The following EEA1 variants were observed in gnomAD, a reference collection of about 807,000 sequenced individuals.
The protein encoded by EEA1 is early endosome antigen 1, 162kD.
Under a neutral mutation model 209.2 loss-of-function variants are expected in EEA1, and 111 were observed. The observed-to-expected ratio is 0.53, with a 90% CI of 0.45 to 0.62. The LOEUF (loss-of-function observed/expected upper bound fraction) is 0.62. Among genes scored for constraint, EEA1 ranks in the 20% least tolerant of loss-of-function variants. EEA1 has a pLI of 0.00. For synonymous variants in EEA1, 536 were observed against 540.6 expected (o/e 0.99, Z 0.12); for missense variants, 1,343 against 1,530.8 (o/e 0.88, Z 2.05).
At position 92,859,165 on chromosome 12, in the gene EEA1, A is replaced by C. The variant is rs1878019946; in HGVS notation, c.246-1680T>G. On this transcript the variant is annotated intron_variant, in intron 3 of 28. Transcript: ENST00000322349. ...GAATTTTGATCTCCACCCTAGGGTC[A>C]TTGTCAGGGATCTGGATCTGAAGAA... 5 of 1,594,318 alleles carry C rather than the reference A, an allele frequency of 3.1e-6. No homozygotes were observed. The Admixed American group carries it at 5.0e-5, about 16-fold the overall frequency.
At position 92,773,381 on chromosome 12, in the gene EEA1, A is replaced by G. The variant is rs981534675; in HGVS notation, c.*2630T>C. 1.3e-5 allele frequency: 2 copies of G among 152,208 alleles called. No individual in the cohort carries two copies. Among genetic ancestry groups the G allele is most frequent in the Non-Finnish European group, 3.0e-5 (2 of 67,710 alleles). The allele number at this position is 152,208 out of a possible 1,614,324, so 9.4% of individuals were successfully genotyped here. On this transcript the variant is annotated 3_prime_UTR_variant, in exon 29 of 29. Coordinates refer to ENST00000322349, the MANE Select transcript of EEA1 (RefSeq NM_003566.4). Reference sequence around the variant, plus strand: ...TACTGTCAGGAAACTATTAAAGTAGATAATTCCACATTAAGAGGTAGTTGA... The same window carrying G: ...TACTGTCAGGAAACTATTAAAGTAGGTAATTCCACATTAAGAGGTAGTTGA...
chr12:92,869,486 A>G (rs1878536263), intron 2 of EEA1, among the ~76,000 whole-genome samples: 1 of 151,858 alleles, frequency 6.6e-6, no homozygotes, highest in African/African-American at 2.4e-5. Context: ...GTTCACGCCC[A>G]TAATCCCAGC....
chr12:92,776,246 T>C (rs1177878096), intron 28 of EEA1, 113 bp from the exon 29 acceptor site: 2 of 977,950 alleles, frequency 2.0e-6, no homozygotes, highest in Middle Eastern at 2.3e-4. Flanking sequence ...TTTCAAGTCA[T>C]TGGTATATTA....
intron 9 of EEA1, among the ~76,000 whole-genome samples, chr12:92,846,833 A>C (rs1306399588): frequency 6.6e-6 from 1 of 152,230 alleles, no homozygotes; most frequent in East Asian, 1.9e-4. Flanking sequence ...CAGATTATGT[A>C]TCTTCAGCCC....
chr12:92,779,383 C>G, intron 24 of EEA1, 83 bp from the exon 25 acceptor site: 1 of 1,260,086 alleles, frequency 7.9e-7, no homozygotes, highest in Non-Finnish European at 1.1e-6. Flanking sequence ...CAATTTATCA[C>G]AATAGATCAA....
chr12:92,854,327 T>C (rs1877770284), intron 5 of EEA1, among the ~76,000 whole-genome samples: 1 of 152,236 alleles, frequency 6.6e-6, no homozygotes, highest in Non-Finnish European at 1.5e-5. Context: ...CGTATTAGTA[T>C]GTAGCTTTGA....
At chr12:92,860,604 T>C (rs1465608297) in intron 3 of EEA1, among the ~76,000 whole-genome samples, 1 of 152,030 alleles carries the variant, frequency 6.6e-6, no homozygotes, top group Non-Finnish European at 1.5e-5. Context: ...CATTCCTAGG[T>C]AGGCCAAGGT....
chr12:92,847,137 G>A (rs1877418242), intron 9 of EEA1, among the ~76,000 whole-genome samples: 1 of 152,044 alleles, frequency 6.6e-6, no homozygotes, highest in Non-Finnish European at 1.5e-5. Flanking sequence ...TGTATTTTTA[G>A]TAGAGACAGG....
chr12:92,786,159 C>G (rs927731699), intron 22 of EEA1, among the ~76,000 whole-genome samples: 3 of 152,080 alleles, frequency 2.0e-5, no homozygotes, highest in Non-Finnish European at 2.9e-5. Context: ...CAGCCCACAC[C>G]ACCATCGTCT....
At chr12:92,850,753 ATAT>A (rs1877591111) in intron 9 of EEA1, among the ~76,000 whole-genome samples, 4 of 151,282 alleles carry the variant, frequency 2.6e-5, no homozygotes, top group African/African-American at 9.7e-5. Context: ...TTTCTTAAAT[ATAT>A]TTTCTAAACA....
intron 2 of EEA1, among the ~76,000 whole-genome samples, chr12:92,889,754 A>C (rs1405068761): frequency 6.6e-6 from 1 of 152,044 alleles, no homozygotes; most frequent in East Asian, 1.9e-4. Context: ...AAACAAAACA[A>C]AACAAAAAAA....
intron 21 of EEA1, among the ~76,000 whole-genome samples, chr12:92,792,211 G>A (rs567413776): frequency 1.2e-4 from 18 of 152,112 alleles, no homozygotes; most frequent in African/African-American, 2.4e-4. Context: ...ACAATTAAAA[G>A]AACTAAAGAA....
chr12:92,854,036 T>TGAAA, intron 5 of EEA1, 82 bp from the exon 6 acceptor site: 1 of 1,116,468 alleles, frequency 9.0e-7, no homozygotes, highest in Non-Finnish European at 1.2e-6. Context: ...AAAAAATCTC[T>TGAAA]GAAAGTCACT....
chr12:92,925,961 A>G (rs1010469246), intron 1 of EEA1, among the ~76,000 whole-genome samples: 1 of 152,148 alleles, frequency 6.6e-6, no homozygotes, highest in Non-Finnish European at 1.5e-5. Flanking sequence ...TGAAAAGTTC[A>G]TCTAAAAACA....
In EEA1 at chr12:92,885,069, A is replaced by AAT. The variant is rs912314066; in HGVS notation, c.117+6558_117+6559dup. ...GCAAAGAAAAAAGAATACTGTATATAATATATATATAACATGCAAAATATG... is the reference window on the plus strand; with the variant it reads ...GCAAAGAAAAAAGAATACTGTATATAATATATATATATAACATGCAAAATATG... On this transcript the variant is annotated intron_variant, in intron 2 of 28. Transcript: ENST00000322349. Among the ~76,000 whole-genome samples, 10 of 151,624 alleles carry AAT rather than the reference A, an allele frequency of 6.6e-5. No individual in the cohort carries two copies. In the South Asian group the frequency reaches 1.2e-3, roughly 19 times the overall value.
At chr12:92,828,609 A>C (rs949709257) in intron 11 of EEA1, among the ~76,000 whole-genome samples, 3 of 140,236 alleles carry the variant, frequency 2.1e-5, no homozygotes, top group Non-Finnish European at 4.8e-5. Context: ...ATATGTGTAC[A>C]TATATATATC....
intron 1 of EEA1, among the ~76,000 whole-genome samples, chr12:92,914,155 C>G (rs1420673510): frequency 6.6e-6 from 1 of 152,154 alleles, no homozygotes; most frequent in African/African-American, 2.4e-5. Context: ...CAGGTCTCCC[C>G]TTACCACTCA....
rs142495165 is a variant in EEA1, at chr12:92,776,907, G to A, written c.4050C>T (p.Ala1350=). The change falls in exon 28 of 29, where the codon GCC becomes GCT. Residue 1350 remains alanine (A), a synonymous_variant. Transcript: ENST00000322349. The part of the protein sequence containing the change: ...KHTQALNRKW[A]EDNEVQNCMA... ...TACAGTTTTGTACTTCATTGTCTTC[G>A]GCCCACTTTCTATTCAACGCTTGTG... is the stretch of plus-strand genomic sequence containing the variant. The A allele has an allele frequency of 2.2e-5, 35 of 1,611,494 alleles. No homozygotes were observed. The highest frequency in any genetic ancestry group is 1.9e-4 in the African/African-American group (14 of 74,724).
chr12:92,801,545 A>T, intron 20 of EEA1, 55 bp downstream of exon 20: 1 of 1,157,064 alleles, frequency 8.6e-7, no homozygotes, highest in Non-Finnish European at 1.2e-6. Context: ...TTATTTGAAA[A>T]TATAAAGACC....
Sources: allele counts gnomAD v4.1 joint callset (sites outside exome capture counted in the v4.1 genomes callset), GRCh38; gene constraint gnomAD v4.1.1; transcripts MANE v1.5; gene names NCBI Gene and HGNC (gene_info 2026-07-23, HGNC 2026-07-21).